The following TCF3 variants were observed in gnomAD, a reference collection of about 807,000 sequenced individuals.
The protein encoded by TCF3 is transcription factor 3.
A neutral mutation model predicts 72.3 loss-of-function variants in TCF3; 54 were observed. The ratio of observed to expected loss-of-function variants is 0.75; its 90% CI spans 0.60 to 0.94. The LOEUF is 0.94. Among genes scored for constraint, TCF3 ranks in the 40% least tolerant of loss-of-function variants. The pLI, the probability that TCF3 is intolerant of heterozygous loss-of-function variation, is 0.00. For missense variants in TCF3, 1,078 were observed against 934.4 expected (o/e 1.15, Z -2.00); for synonymous variants, 525 against 412.6 (o/e 1.27, Z -3.30).
At chr19:1,627,599 G>A (rs1299103045) in intron 5 of TCF3, among the ~76,000 whole-genome samples, 173 bp from the exon 6 acceptor site, 4 of 151,826 alleles carry the variant, frequency 2.6e-5, no homozygotes, top group African/African-American at 9.7e-5. Context: ...GGGAGCCCTG[G>A]CCCCAGTATG....
rs1599488690 is a variant in TCF3 at position 1,615,852 on chromosome 19, T to A, written c.1451-31A>T. The A allele has an allele frequency of 6.6e-7, 1 of 1,510,262 alleles. No individual in the cohort carries two copies. The highest frequency in any genetic ancestry group is 1.4e-5 in the African/African-American group (1 of 71,936). 93.6% of individuals were successfully genotyped at this position (1,510,262 alleles called of 1,614,324 possible). A position where few individuals can be genotyped will look rare whatever the true frequency, so the allele number is the denominator to read the frequency against. ...ACAGGCCTAGGGTCAGGGGCCTGCG[T>A]CGGCCTCCAGGGCCAACTGACATAT... is the stretch of plus-strand genomic sequence containing the variant. On this transcript the variant is annotated intron_variant, in intron 16 of 18. Transcript: ENST00000262965. This position sits in a 1 kb window ranked among gnomAD's most constrained non-coding sequence, Gnocchi z 7.3.
chr19:1,641,014 G>C (rs1315187722), intron 3 of TCF3, among the ~76,000 whole-genome samples: 1 of 151,872 alleles, frequency 6.6e-6, no homozygotes, highest in Non-Finnish European at 1.5e-5. Context: ...GCCAGGCATG[G>C]TGGCAGGCAC....
chr19:1,616,584 A>T (rs1241188112), intron 16 of TCF3: 1 of 152,082 alleles, frequency 6.6e-6, no homozygotes, highest in Non-Finnish European at 1.5e-5. Flanking sequence ...AGAGCTGTCC[A>T]AGCAAGTGCT....
rs191212439 is a variant in TCF3, at chr19:1,622,999, G to T, written c.550-584C>A. Reference sequence around the variant, plus strand: ...GGCCTGATGTTGTAATAAACTGGGGGGCGGTTTCAGGGCAGAGAAAGTGCA... The same window carrying T: ...GGCCTGATGTTGTAATAAACTGGGGTGCGGTTTCAGGGCAGAGAAAGTGCA... On this transcript the variant is annotated intron_variant, in intron 8 of 18. Coordinates refer to ENST00000262965, the MANE Select transcript of TCF3 (RefSeq NM_003200.5). Among the ~76,000 whole-genome samples the T allele has an allele frequency of 4.3e-4, 66 of 152,326 alleles. 2 individuals are homozygous for T. In the East Asian group the frequency reaches 0.011, roughly 26 times the overall value.
At position 1,621,291 on chromosome 19, in the gene TCF3, G is replaced by C. The variant is rs76931737; in HGVS notation, c.956-100C>G. 2.2e-6 allele frequency: 3 copies of C among 1,342,720 alleles called. No homozygotes were observed. In the Admixed American group the frequency reaches 6.8e-5, roughly 31 times the overall value. The allele number at this position is 1,342,720 out of a possible 1,614,324, so 83.2% of individuals were successfully genotyped here. On this transcript the variant is annotated intron_variant, in intron 11 of 18. Coordinates refer to ENST00000262965, the MANE Select transcript of TCF3 (RefSeq NM_003200.5). ...TGCCGTCCTGCACAGACACTGCTGC[G>C]CCAGGGAGAGCAGCCTGACTCGGGT...
Position 1,639,697 on chromosome 19 carries a change from TC to T in TCF3, c.145+6657del, listed in dbSNP as rs377754904. ...GAGATCTAGAAATCAAGAAAGGACCTCCAACTTGGAACTCAGAAACCTCTGA... is the reference window on the plus strand; with the variant it reads ...GAGATCTAGAAATCAAGAAAGGACCTCAACTTGGAACTCAGAAACCTCTGA... On this transcript the variant is annotated intron_variant, in intron 3 of 18. Coordinates refer to ENST00000262965, the MANE Select transcript of TCF3 (RefSeq NM_003200.5). Among the ~76,000 whole-genome samples the T allele has an allele frequency of 1.8e-4, 22 of 118,976 alleles. No individual in the cohort carries two copies. The East Asian group carries it at 4.2e-3, about 23-fold the overall frequency. The allele number at this position is 118,976 out of a possible 152,430, so 78.1% of individuals were successfully genotyped here. A position where few individuals can be genotyped will look rare whatever the true frequency, so the allele number is the denominator to read the frequency against.
chr19:1,651,430 G>C (rs1375491140), intron 1 of TCF3: 2 of 225,832 alleles, frequency 8.9e-6, no homozygotes, highest in African/African-American at 2.2e-5. Flanking sequence ...TTTCTTTTTT[G>C]GAGGGCGTGT....
At position 1,609,934 on chromosome 19, in the gene TCF3, G is replaced by A. The variant is rs993996115; in HGVS notation, c.*1773C>T. On this transcript the variant is annotated 3_prime_UTR_variant, in exon 19 of 19. Coordinates refer to ENST00000262965, the MANE Select transcript of TCF3 (RefSeq NM_003200.5). Reference sequence around the variant, plus strand: ...ACACAGCCAGCCCAGGGGTCCACAAGGCCTCAATGCAGGGAGGGGCATGAA... The same window carrying A: ...ACACAGCCAGCCCAGGGGTCCACAAAGCCTCAATGCAGGGAGGGGCATGAA... 4.3e-6 allele frequency: 1 copy of A among 232,676 alleles called. No individual in the cohort carries two copies. The highest frequency in any genetic ancestry group is 2.2e-5 in the African/African-American group (1 of 45,262). 14.4% of individuals were successfully genotyped at this position (232,676 alleles called of 1,614,324 possible).
Position 1,648,826 on chromosome 19 carries a change from G to C in TCF3, c.72+1351C>G, listed in dbSNP as rs55939322. 1.2e-4 allele frequency among the ~76,000 whole-genome samples: 17 copies of C among 147,406 alleles called. No individual in the cohort carries two copies. In the South Asian group the frequency reaches 1.7e-3, roughly 15 times the overall value. On this transcript the variant is annotated intron_variant, in intron 2 of 18. Coordinates refer to ENST00000262965, the MANE Select transcript of TCF3 (RefSeq NM_003200.5). ...ACGCTGCCACTGGGCATGGGGGGGG[G>C]GGGGGAGCAGAATTTAAGGACATCT...
rs147997341 is a variant in TCF3 at position 1,632,368 on chromosome 19, G to A, written c.183C>T (p.Ser61=). 95 of 1,595,416 alleles carry A rather than the reference G, an allele frequency of 6.0e-5. No individual in the cohort carries two copies. The highest frequency in any genetic ancestry group is 7.4e-5 in the Non-Finnish European group (87 of 1,171,524). ...CAAAGGAGGAGCTGCTCTGGTCGCC[G>A]CTGCCCCAGGAGCCTGAGCTGGGCC... ...EDRPSSGSWG[S]GDQSSSSFDP... Residue 61 remains serine (S), a synonymous_variant, in exon 4 of 19, where the codon AGC becomes AGT. Transcript: ENST00000262965.
chr19:1,643,749 G>A (rs1376537060), intron 3 of TCF3, among the ~76,000 whole-genome samples: 1 of 152,232 alleles, frequency 6.6e-6, no homozygotes, highest in Non-Finnish European at 1.5e-5. Context: ...ACCCTTCACA[G>A]GGGAAAACTT....
At chr19:1,642,080 G>C (rs2065325244) in intron 3 of TCF3, among the ~76,000 whole-genome samples, 1 of 151,236 alleles carries the variant, frequency 6.6e-6, no homozygotes, top group Admixed American at 6.6e-5. Flanking sequence ...AGAACAGATT[G>C]GTGATTCCTG....
intron 7 of TCF3, 36 bp downstream of exon 7, chr19:1,625,540 C>A: frequency 1.3e-6 from 2 of 1,530,148 alleles, no homozygotes; most frequent in African/African-American, 2.9e-5. Context: ...GGCTCCCTCC[C>A]AGAAGCCCCC....
chr19:1,632,084 C>T lies in TCF3; in HGVS notation c.252G>A (p.Ser84=), dbSNP rs367960890. 220 of 1,613,192 alleles carry T rather than the reference C, an allele frequency of 1.4e-4. 3 individuals are homozygous for T. Among genetic ancestry groups the T allele is most frequent in the South Asian group, 9.7e-4 (88 of 90,904 alleles). The change falls in exon 5 of 19, where the codon TCG becomes TCA. Residue 84 remains serine (S), a synonymous_variant. Transcript: ENST00000262965. ...ATGTGGATGAAGAGAGGCTGCTGTG[C>T]GACTCAGTGAAGTGGGTGCCCTCGC... The part of the protein sequence containing the change: ...TFSEGTHFTE[S]HSSLSSSTFL...
chr19:1,613,792 C>T (rs2061277881), intron 18 of TCF3, among the ~76,000 whole-genome samples: 1 of 152,000 alleles, frequency 6.6e-6, no homozygotes, highest in Non-Finnish European at 1.5e-5. Flanking sequence ...GATGAGCCCT[C>T]CCTGAGCTCC....
chr19:1,619,819 A>T lies in TCF3; in HGVS notation c.1128T>A (p.Gly376=), dbSNP rs2061968765. The change falls in exon 14 of 19, where the codon GGT becomes GGA. Residue 376 remains glycine (G), a synonymous_variant. Coordinates refer to ENST00000262965, the MANE Select transcript of TCF3 (RefSeq NM_003200.5). ...TSQWPRAGAP[G]ALSPSYDGGL... Reference sequence around the variant, plus strand: ...CCCCGTCGTAGCTGGGCGATAAGGCACCGGGGGCTCCTGCTCGAGGCCACT... The same window carrying T: ...CCCCGTCGTAGCTGGGCGATAAGGCTCCGGGGGCTCCTGCTCGAGGCCACT... 6.3e-7 allele frequency: 1 copy of T among 1,576,256 alleles called. No individual in the cohort carries two copies. Among genetic ancestry groups the T allele is most frequent in the East Asian group, 2.4e-5 (1 of 42,506 alleles).
intron 3 of TCF3, among the ~76,000 whole-genome samples, chr19:1,639,772 A>G (rs990095856): frequency 2.6e-5 from 4 of 151,224 alleles, no homozygotes; most frequent in Non-Finnish European, 5.9e-5. Flanking sequence ...AAAAAAAAAA[A>G]AAGGAACAAA....
chr19:1,632,151 G>T (rs778356457), intron 4 of TCF3, 35 bp from the exon 5 acceptor site: 3 of 1,601,758 alleles, frequency 1.9e-6, no homozygotes, highest in Non-Finnish European at 1.7e-6. Flanking sequence ...GAGGTGCTGG[G>T]GCTTCACAGG....
chr19:1,611,810 C>T lies in TCF3; in HGVS notation c.1862G>A (p.Arg621Gln), dbSNP rs779908158. 5.0e-6 allele frequency: 8 copies of T among 1,613,340 alleles called. No homozygotes were observed. The highest frequency in any genetic ancestry group is 1.7e-5 in the Admixed American group (1 of 59,948). ...CACACCTGACACCTTTTCCTCTTCT[C>T]GCCGTTTCAAACAGGCTGCTTTGGG... ...LNPKAACLKR[R>Q]EEEKVSGVVG... The change falls in exon 19 of 19, where the codon CGA becomes CAA. Residue 621 changes from arginine to glutamine, a missense_variant. Physicochemically the swap from Arg to Gln is conservative, Grantham distance 43. Coordinates refer to ENST00000262965, the MANE Select transcript of TCF3 (RefSeq NM_003200.5).
Sources: gnomAD v4.1 joint callset for allele counts (sites outside exome capture counted in the v4.1 genomes callset) on GRCh38, gnomAD v4.1.1 for gene constraint, Gnocchi (gnomAD v3.1) non-coding constraint, MANE v1.5 for transcripts, NCBI Gene and HGNC (gene_info 2026-07-23, HGNC 2026-07-21) for gene names.